The following MYH8 variants were observed in gnomAD, a reference collection of about 807,000 sequenced individuals.
MYH8 encodes myosin-8.
Under a neutral mutation model 233.2 loss-of-function variants are expected in MYH8, and 168 were observed. That is an observed-to-expected ratio of 0.72 (90% confidence interval 0.64 to 0.82). MYH8 has a LOEUF of 0.82. Among genes scored for constraint, MYH8 ranks in the 40% least tolerant of loss-of-function variants. The probability of loss-of-function intolerance (pLI) is 0.00; values close to 1 mark genes in which losing one functional copy is unlikely to be tolerated. For missense variants in MYH8, 1,995 were observed against 2,327.8 expected (o/e 0.86, Z 2.94); for synonymous variants, 785 against 850.6 (o/e 0.92, Z 1.34).
At chr17:10,412,283 C>T (rs537886476) in intron 14 of MYH8, 87 bp downstream of exon 14, 52 of 1,612,926 alleles carry the variant, frequency 3.2e-5, no homozygotes, top group East Asian at 1.8e-4. Context: ...GTAATATGGA[C>T]GCTATAAATG....
chr17:10,416,088 C>T (rs2072287530), intron 5 of MYH8, among the ~76,000 whole-genome samples: 1 of 152,048 alleles, frequency 6.6e-6, no homozygotes, highest in African/African-American at 2.4e-5. Context: ...ACTCTGTGTC[C>T]CTTAAACTCT....
chr17:10,410,972 A>G, intron 14 of MYH8, 25 bp from the exon 15 acceptor site: 1 of 1,614,110 alleles, frequency 6.2e-7, no homozygotes, highest in Non-Finnish European at 8.5e-7. Context: ...AGAGATTTCC[A>G]ACATCAAATG....
rs1280253705 is a variant in MYH8, at chr17:10,418,946, G to T, written c.295C>A (p.Leu99Ile). 2 of 1,614,128 alleles carry T rather than the reference G, an allele frequency of 1.2e-6. No homozygotes were observed. Among genetic ancestry groups the T allele is most frequent in the Non-Finnish European group, 1.7e-6 (2 of 1,180,040 alleles). ...KIEDMAMMTH[L>I]HEPGVLYNLK... is the part of the protein sequence containing the mutation. ...TTGTACAGCACTCCAGGCTCGTGTA[G>T]ATGAGTCATCATGGCCATGTCCTCA... Residue 99 changes from leucine (L) to isoleucine (I), a missense_variant, in exon 4 of 40, where the codon CTA becomes ATA. Physicochemically the swap from Leu to Ile is conservative, Grantham distance 5 (BLOSUM62 2). Around this residue, in one of 3 missense-constraint regions of MYH8, gnomAD observed 479 missense variants for 600.9 expected, o/e 0.80. Coordinates refer to ENST00000403437, the MANE Select transcript of MYH8 (RefSeq NM_002472.3).
rs1382544709 is a variant in MYH8 at position 10,393,012 on chromosome 17, A to C, written c.5293-11T>G. ...AGCCATCATGGCAGCCTATTTAGGA[A>C]ATAAATTAAGAAAGTAATGAAACTT... On this transcript the variant is annotated splice_polypyrimidine_tract_variant and intron_variant, in intron 36 of 39. Transcript: ENST00000403437. The C allele has an allele frequency of 6.2e-7, 1 of 1,614,194 alleles. No individual in the cohort carries two copies. Among genetic ancestry groups the C allele is most frequent in the South Asian group, 1.1e-5 (1 of 91,084 alleles).
intron 29 of MYH8, 43 bp downstream of exon 29, chr17:10,398,725 G>GATTT: frequency 6.2e-7 from 1 of 1,613,684 alleles, no homozygotes; most frequent in South Asian, 1.1e-5. Context: ...TAACTGGGCA[G>GATTT]GTTTAGATTT....
intron 35 of MYH8, 49 bp from the exon 36 acceptor site, chr17:10,393,259 T>G: frequency 1.2e-6 from 2 of 1,612,824 alleles, no homozygotes; most frequent in Non-Finnish European, 8.5e-7. Context: ...TTTGCCCTCT[T>G]GGGATTTTAC....
chr17:10,394,303 G>C lies in MYH8; in HGVS notation c.5112C>G (p.Ile1704Met). The C allele has an allele frequency of 6.2e-7, 1 of 1,614,060 alleles. No homozygotes were observed. Among genetic ancestry groups the C allele is most frequent in the Non-Finnish European group, 8.5e-7 (1 of 1,180,000 alleles). ...TLEQTERSRKIAEQELLDASE... is the reference protein window; with the variant it reads ...TLEQTERSRKMAEQELLDASE... ...TGGCATCCAGGAGCTCCTGTTCGGC[G>C]ATTTTCCTGCTTCTCTCTGTCTGTT... Residue 1704 changes from isoleucine to methionine, a missense_variant, in exon 35 of 40, where the codon ATC becomes ATG. Around this residue, in one of 3 missense-constraint regions of MYH8, gnomAD observed 1,498 missense variants for 1,680.9 expected, o/e 0.89. Coordinates refer to ENST00000403437, the MANE Select transcript of MYH8 (RefSeq NM_002472.3).
At position 10,415,189 on chromosome 17, in the gene MYH8, A is replaced by G. The variant is rs1231025890; in HGVS notation, c.742-10T>C. On this transcript the variant is annotated splice_polypyrimidine_tract_variant and intron_variant, in intron 8 of 39. Transcript: ENST00000403437. The surrounding 1 kb of genome is among the most constrained non-coding windows in gnomAD (Gnocchi z 4.1). ...TTCTAATGAATTTACCCTTGAAAAG[A>G]ATATTTAGTATTAGAAAACTGAAAC... The G allele has an allele frequency of 1.2e-6, 2 of 1,610,952 alleles. No homozygotes were observed. The highest frequency in any genetic ancestry group is 1.7e-6 in the Non-Finnish European group (2 of 1,177,068).
intron 29 of MYH8, 44 bp from the exon 30 acceptor site, chr17:10,398,684 G>A (rs1248028461): frequency 6.2e-7 from 1 of 1,614,100 alleles, no homozygotes; most frequent in Admixed American, 1.7e-5. Context: ...TGTATTCAGT[G>A]ATATTTAACT....
intron 12 of MYH8, among the ~76,000 whole-genome samples, chr17:10,413,413 C>G (rs571883579): frequency 6.6e-6 from 1 of 152,198 alleles, no homozygotes; most frequent in African/African-American, 2.4e-5. Context: ...TCTTTTTTCT[C>G]AATTCCTTTT....
At position 10,412,364 on chromosome 17, in the gene MYH8, A is replaced by G. The variant is rs1401896125; in HGVS notation, c.1416+6T>C. The G allele has an allele frequency of 6.2e-7, 1 of 1,613,994 alleles. No homozygotes were observed. The highest frequency in any genetic ancestry group is 8.5e-7 in the Non-Finnish European group (1 of 1,179,980). ...CTCCTTCTTAATTCTTGTTAATATA[A>G]CTCACATCAAAGATTTCAAAGCCAG... On this transcript the variant is annotated splice_donor_region_variant and intron_variant, in intron 14 of 39. Transcript: ENST00000403437.
chr17:10,408,186 G>A lies in MYH8; in HGVS notation c.1965+911C>T, dbSNP rs536457369. Among the ~76,000 whole-genome samples, 12 of 152,082 alleles carry A rather than the reference G, an allele frequency of 7.9e-5. 1 individual carries two copies. The highest frequency in any genetic ancestry group is 2.7e-4 in the African/African-American group (11 of 41,480). ...GAATTCCTGACCTCGTGATCTGCCCGCCTCAGCCTCCCAAAGTGCTGGGAT... is the reference window on the plus strand; with the variant it reads ...GAATTCCTGACCTCGTGATCTGCCCACCTCAGCCTCCCAAAGTGCTGGGAT... On this transcript the variant is annotated intron_variant, in intron 17 of 39. Coordinates refer to ENST00000403437, the MANE Select transcript of MYH8 (RefSeq NM_002472.3).
intron 14 of MYH8, among the ~76,000 whole-genome samples, chr17:10,412,166 C>G (rs1045047592): frequency 3.9e-5 from 6 of 152,166 alleles, no homozygotes; most frequent in Non-Finnish European, 8.8e-5. Flanking sequence ...GTTTTGAAGT[C>G]CCTAGTGTAC....
In MYH8 at chr17:10,415,270, G is replaced by C. The variant is rs377345978; in HGVS notation, c.741+22C>G. On this transcript the variant is annotated intron_variant, in intron 8 of 39. Coordinates refer to ENST00000403437, the MANE Select transcript of MYH8 (RefSeq NM_002472.3). This position sits in a 1 kb window ranked among gnomAD's most constrained non-coding sequence, Gnocchi z 4.1. The stretch of plus-strand genomic sequence containing the variant: ...CAGACGTGGCTACTCTGGAAGTTAG[G>C]GGTTGAGACCAAGAGACTCACAAAG... 2 of 1,609,654 alleles carry C rather than the reference G, an allele frequency of 1.2e-6. No homozygotes were observed. Among genetic ancestry groups the C allele is most frequent in the African/African-American group, 2.7e-5 (2 of 74,826 alleles).
At position 10,419,503 on chromosome 17, in the gene MYH8, G is replaced by A. The variant is rs2072318070; in HGVS notation, c.211-473C>T. Among the ~76,000 whole-genome samples, 1 of 152,112 alleles carries A rather than the reference G, an allele frequency of 6.6e-6. No homozygotes were observed. Among genetic ancestry groups the A allele is most frequent in the African/African-American group, 2.4e-5 (1 of 41,424 alleles). ...AAATATATTCATTTCAGAGTTTAATGTTAAGAAAACCTGTTTCCTATGATG... is the reference window on the plus strand; with the variant it reads ...AAATATATTCATTTCAGAGTTTAATATTAAGAAAACCTGTTTCCTATGATG... On this transcript the variant is annotated intron_variant, in intron 3 of 39. Coordinates refer to ENST00000403437, the MANE Select transcript of MYH8 (RefSeq NM_002472.3). The surrounding 1 kb of genome is among the most constrained non-coding windows in gnomAD (Gnocchi z 4.0).
Position 10,401,013 on chromosome 17 carries a change from T to C in MYH8, c.3254+33A>G, listed in dbSNP as rs779160838. 5.0e-6 allele frequency: 8 copies of C among 1,613,964 alleles called. No homozygotes were observed. In the Admixed American group the frequency reaches 1.3e-4, roughly 27 times the overall value. On this transcript the variant is annotated intron_variant, in intron 25 of 39. Transcript: ENST00000403437. ...TACTCATGTGAATTGAAAGATGATA[T>C]CACATAGAAGTTTTTTTCTAAAAGG...
chr17:10,399,557 A>G lies in MYH8; in HGVS notation c.3848T>C (p.Leu1283Pro). 1.2e-6 allele frequency: 2 copies of G among 1,613,640 alleles called. No homozygotes were observed. The highest frequency in any genetic ancestry group is 2.2e-5 in the South Asian group (2 of 91,050). The change falls in exon 28 of 40, where the codon CTG becomes CCG. Residue 1283 changes from leucine to proline, a missense_variant. Around this residue, in one of 3 missense-constraint regions of MYH8, gnomAD observed 1,498 missense variants for 1,680.9 expected, o/e 0.89. Coordinates refer to ENST00000403437, the MANE Select transcript of MYH8 (RefSeq NM_002472.3). ...INDLTAQRAR[L>P]QTEAGEYSRQ... ...GATGTCTTTACCCGCTTCTGTCTGC[A>G]GGCGCGCTCTCTGTGCTGTGAGGTC...
intron 22 of MYH8, among the ~76,000 whole-genome samples, chr17:10,403,462 CT>C (rs1427472512): frequency 2.0e-5 from 3 of 151,918 alleles, no homozygotes; most frequent in African/African-American, 7.2e-5. Flanking sequence ...GGATTCTTTT[CT>C]TTTTTCTTTT....
Position 10,396,951 on chromosome 17 carries a change from T to C in MYH8, c.4214A>G (p.Glu1405Gly). ...TTTGGCGTTCACAGCTTCTACATGTTCCTCAGCTTCTTGCAGGCGCTGGGC... is the reference window on the plus strand; with the variant it reads ...TTTGGCGTTCACAGCTTCTACATGTCCCTCAGCTTCTTGCAGGCGCTGGGC... ...KLAQRLQEAEEHVEAVNAKCA... is the reference protein window; with the variant it reads ...KLAQRLQEAEGHVEAVNAKCA... Residue 1405 changes from glutamate (E) to glycine (G), a missense_variant, in exon 31 of 40, where the codon GAA (glutamate) becomes GGA (glycine). Glu to Gly is a moderately conservative substitution (Grantham distance 98). Transcript: ENST00000403437. The surrounding 1 kb of genome is among the most constrained non-coding windows in gnomAD (Gnocchi z 4.2). 6.2e-7 allele frequency: 1 copy of C among 1,614,230 alleles called. No homozygotes were observed.
Sources: gnomAD v4.1 joint callset for allele counts (sites outside exome capture counted in the v4.1 genomes callset) on GRCh38, gnomAD v4.1.1 for gene constraint, gnomAD v4.1.1 regional missense constraint, Gnocchi (gnomAD v3.1) non-coding constraint, MANE v1.5 for transcripts, NCBI Gene and HGNC (gene_info 2026-07-23, HGNC 2026-07-21) for gene names.